The following CNTN4 variants were observed in gnomAD, a reference collection of about 807,000 sequenced individuals.
The protein encoded by CNTN4 is contactin 4, also known as contactin-4.
Under a neutral mutation model 122.5 loss-of-function variants are expected in CNTN4, and 77 were observed. The observed-to-expected ratio is 0.63, with a 90% CI of 0.52 to 0.76. CNTN4 has a LOEUF of 0.76. CNTN4 is among the 30% of genes least tolerant of loss of function. The pLI, the probability that CNTN4 is intolerant of heterozygous loss-of-function variation, is 0.00. For synonymous variants in CNTN4, 512 were observed against 447.0 expected, an observed-to-expected ratio of 1.15 and a Z score of -1.83; for missense variants, 1,256 against 1,259.1, an observed-to-expected ratio of 1.00 and a Z score of 0.04.
chr3:2,305,195 A>G (rs2042661613), intron 2 of CNTN4, among the ~76,000 whole-genome samples: 1 of 152,098 alleles, frequency 6.6e-6, no homozygotes, highest in Non-Finnish European at 1.5e-5. Flanking sequence ...GAAATTTCTG[A>G]TTCTACTCTG....
chr3:2,231,118 A>G (rs1011890399), intron 2 of CNTN4, among the ~76,000 whole-genome samples: 1 of 152,218 alleles, frequency 6.6e-6, no homozygotes, highest in South Asian at 2.1e-4. Context: ...AGTTAACACA[A>G]TATGTCAAAA....
At chr3:2,410,985 A>G (rs2047206705) in intron 3 of CNTN4, among the ~76,000 whole-genome samples, 1 of 152,260 alleles carries the variant, frequency 6.6e-6, no homozygotes, top group African/African-American at 2.4e-5. Context: ...AATGAGCACC[A>G]GCCAACAAAT....
chr3:2,503,587 C>G (rs938031576), intron 3 of CNTN4, among the ~76,000 whole-genome samples: 5 of 152,096 alleles, frequency 3.3e-5, no homozygotes, highest in Admixed American at 6.6e-5. Flanking sequence ...GTAACTTGTT[C>G]AGGCTCACAC....
intron 3 of CNTN4, among the ~76,000 whole-genome samples, chr3:2,452,300 T>C (rs1053114821): frequency 1.3e-5 from 2 of 152,170 alleles, no homozygotes; most frequent in East Asian, 3.9e-4. Flanking sequence ...CCCAGCAATA[T>C]ATAAAGTTGA....
At chr3:2,384,774 G>C (rs937381896) in intron 3 of CNTN4, among the ~76,000 whole-genome samples, 8 of 151,966 alleles carry the variant, frequency 5.3e-5, no homozygotes, top group African/African-American at 1.9e-4. Flanking sequence ...GTGTGTGTGT[G>C]TGTGTGTGTG....
chr3:2,736,116 T>C, intron 4 of CNTN4, 99 bp from the exon 5 acceptor site: 1 of 1,256,098 alleles, frequency 8.0e-7, no homozygotes, highest in East Asian at 2.4e-5. Context: ...CTATTTTTTG[T>C]TAATTTCTTT....
intron 6 of CNTN4, among the ~76,000 whole-genome samples, chr3:2,755,929 A>G (rs1392994700): frequency 6.6e-6 from 1 of 152,234 alleles, no homozygotes; most frequent in Non-Finnish European, 1.5e-5. Context: ...TTTCGTTGTT[A>G]TGAGTAATTC....
rs568724389 is a variant in CNTN4 at position 2,257,689 on chromosome 3, C to A, written c.-144-81489C>A. On this transcript the variant is annotated intron_variant, in intron 2 of 24. Transcript: ENST00000418658. ...CCAAGAAACATGAAAAAACACTTAT[C>A]ATCACTGGTCATTAGAGAAACGCAA... 2.6e-5 allele frequency among the ~76,000 whole-genome samples: 4 copies of A among 152,288 alleles called. No homozygotes were observed. The East Asian group carries it at 7.7e-4, about 29-fold the overall frequency.
intron 7 of CNTN4, among the ~76,000 whole-genome samples, chr3:2,834,823 T>A: frequency 7.5e-6 from 1 of 133,658 alleles, no homozygotes. Context: ...AAAAGAAAAA[T>A]AAATGAGGGC....
Position 3,056,328 on chromosome 3 carries a change from C to G in CNTN4, c.*108C>G. Reference sequence around the variant, plus strand: ...ATTGTTGTTCAAGTACATCTTATTACTGGAATAAAAATGTTTTTTGCTTCT... The same window carrying G: ...ATTGTTGTTCAAGTACATCTTATTAGTGGAATAAAAATGTTTTTTGCTTCT... On this transcript the variant is annotated 3_prime_UTR_variant, in exon 25 of 25. Coordinates refer to ENST00000418658, the MANE Select transcript of CNTN4 (RefSeq NM_175607.3). 1 of 851,514 alleles carries G rather than the reference C, an allele frequency of 1.2e-6. No individual in the cohort carries two copies. The highest frequency in any genetic ancestry group is 2.0e-6 in the Non-Finnish European group (1 of 509,100). The allele number at this position is 851,514 out of a possible 1,614,324, so 52.7% of individuals were successfully genotyped here.
At chr3:2,343,986 C>G (rs1388365150) in intron 3 of CNTN4, among the ~76,000 whole-genome samples, 1 of 152,074 alleles carries the variant, frequency 6.6e-6, no homozygotes, top group Non-Finnish European at 1.5e-5. Flanking sequence ...AGAGGCGAAT[C>G]TCTTTTAAAA....
At chr3:2,578,384 A>G (rs768919125) in intron 4 of CNTN4, among the ~76,000 whole-genome samples, 2 of 152,202 alleles carry the variant, frequency 1.3e-5, no homozygotes, top group Admixed American at 1.3e-4. Context: ...ATTAAAGCTC[A>G]TGACCAACCC....
chr3:2,425,746 G>A (rs2047802594), intron 3 of CNTN4, among the ~76,000 whole-genome samples: 1 of 152,102 alleles, frequency 6.6e-6, no homozygotes, highest in East Asian at 1.9e-4. Context: ...ATTTCATTGA[G>A]CAGTGCTTTG....
rs1377645462 is a variant in CNTN4 at position 2,591,645 on chromosome 3, T to G, written c.55+20087T>G. The stretch of plus-strand genomic sequence containing the variant: ...TCCCAAAGTGCTGGGATTACAGGCG[T>G]GAGCCACCGCGCCCGGCCGATTTGT... On this transcript the variant is annotated intron_variant, in intron 4 of 24. Coordinates refer to ENST00000418658, the MANE Select transcript of CNTN4 (RefSeq NM_175607.3). Among the ~76,000 whole-genome samples the G allele has an allele frequency of 5.8e-5, 3 of 51,670 alleles. 1 individual carries two copies. The highest frequency in any genetic ancestry group is 1.5e-4 in the Non-Finnish European group (3 of 20,232). The allele number at this position is 51,670 out of a possible 152,430, so 33.9% of individuals were successfully genotyped here. A position where few individuals can be genotyped will look rare whatever the true frequency, so the allele number is the denominator to read the frequency against.
At chr3:2,203,504 A>G (rs920665146) in intron 2 of CNTN4, among the ~76,000 whole-genome samples, 12 of 152,112 alleles carry the variant, frequency 7.9e-5, no homozygotes. Flanking sequence ...AGCAAAGTAG[A>G]GCATGTTATA....
chr3:2,277,732 C>G, intron 2 of CNTN4, among the ~76,000 whole-genome samples: 1 of 152,108 alleles, frequency 6.6e-6, no homozygotes, highest in East Asian at 1.9e-4. Context: ...GTCCTTTTGT[C>G]ACTTGGAAAA....
chr3:2,571,665 T>C (rs2079425143), intron 4 of CNTN4, 107 bp downstream of exon 4: 2 of 801,314 alleles, frequency 2.5e-6, no homozygotes, highest in Admixed American at 1.8e-5. Flanking sequence ...CGCAAGAGTA[T>C]ATGCTGCTAT....
intron 7 of CNTN4, among the ~76,000 whole-genome samples, chr3:2,831,392 C>A (rs2093101518): frequency 6.6e-6 from 1 of 152,120 alleles, no homozygotes; most frequent in Non-Finnish European, 1.5e-5. Flanking sequence ...TACAAAGTTC[C>A]AAATGAAGCA....
intron 2 of CNTN4, among the ~76,000 whole-genome samples, chr3:2,107,686 T>C (rs747095369): frequency 6.6e-6 from 1 of 152,158 alleles, no homozygotes; most frequent in Non-Finnish European, 1.5e-5. Flanking sequence ...TGACGTAAGC[T>C]GATTTGGGTT....
Sources: gnomAD v4.1 joint callset for allele counts (sites outside exome capture counted in the v4.1 genomes callset) on GRCh38, gnomAD v4.1.1 for gene constraint, MANE v1.5 for transcripts, NCBI Gene and HGNC (gene_info 2026-07-23, HGNC 2026-07-21) for gene names.